WDPCP: variants seen among roughly 807,000 people sequenced by gnomAD.
The protein encoded by WDPCP is WD repeat-containing and planar cell polarity effector protein fritz homolog.
A neutral mutation model predicts 93.1 loss-of-function variants in WDPCP; 71 were observed. That is an observed-to-expected ratio of 0.76 (90% CI 0.63 to 0.93). WDPCP has a LOEUF of 0.93. WDPCP is among the 40% of genes least tolerant of loss of function. The pLI, the probability that WDPCP is intolerant of heterozygous loss-of-function variation, is 0.00. For missense variants in WDPCP, 844 were observed against 887.4 expected, an observed-to-expected ratio of 0.95 and a Z score of 0.62; for synonymous variants, 315 against 315.0, an observed-to-expected ratio of 1.00 and a Z score of 0.00.
chr2:63,275,680 A>T (rs1683028242), intron 13 of WDPCP, among the ~76,000 whole-genome samples: 1 of 152,190 alleles, frequency 6.6e-6, no homozygotes, highest in South Asian at 2.1e-4. Flanking sequence ...TTAACCAAGA[A>T]GGTGAAAGAC....
At chr2:63,162,326 A>T (rs1027685957) in intron 15 of WDPCP, among the ~76,000 whole-genome samples, 1 of 151,948 alleles carries the variant, frequency 6.6e-6, no homozygotes, top group Non-Finnish European at 1.5e-5. Context: ...TTCTTGTTGA[A>T]TTTCTCTTTT....
chr2:63,572,726 A>AAAAAAAAAAAAAAAAAAAAAAATG (rs56275317), intron 1 of WDPCP, among the ~76,000 whole-genome samples: 1 of 144,764 alleles, frequency 6.9e-6, no homozygotes, highest in Non-Finnish European at 1.5e-5. Context: ...AAAAAAAAAA[A>AAAAAAAAAAAAAAAAAAAAAAATG]GTTGGACAGC....
chr2:63,658,977 A>C (rs748567358), intron 2 of WDPCP, among the ~76,000 whole-genome samples: 2 of 152,216 alleles, frequency 1.3e-5, no homozygotes, highest in Non-Finnish European at 2.9e-5. Context: ...ACTCCAAAAT[A>C]TCTGAGCTAT....
intron 1 of WDPCP, among the ~76,000 whole-genome samples, chr2:63,587,430 T>C (rs1469764614): frequency 1.3e-5 from 2 of 152,306 alleles, no homozygotes; most frequent in Non-Finnish European, 2.9e-5. Flanking sequence ...TATTAATAAA[T>C]GCTAAAAGTA....
intron 2 of WDPCP, among the ~76,000 whole-genome samples, chr2:63,722,982 T>C (rs1669447903): frequency 6.6e-6 from 1 of 152,196 alleles, no homozygotes; most frequent in Admixed American, 6.5e-5. Context: ...TCTGTGACCT[T>C]ACCCCCAACC....
intron 14 of WDPCP, among the ~76,000 whole-genome samples, chr2:63,178,505 A>G (rs918914876): frequency 6.6e-6 from 1 of 152,076 alleles, no homozygotes; most frequent in Non-Finnish European, 1.5e-5. Context: ...ACTGTTTGTA[A>G]TATTCTCTTA....
Position 63,560,291 on chromosome 2 carries a change from T to C in WDPCP, c.75+27906A>G, listed in dbSNP as rs1210265778. Among the ~76,000 whole-genome samples, 3 of 151,964 alleles carry C rather than the reference T, an allele frequency of 2.0e-5. No homozygotes were observed. The East Asian group carries it at 5.8e-4, about 29-fold the overall frequency. The stretch of plus-strand genomic sequence containing the variant: ...AAAAAAGTGTGTATAGCCAAGATAA[T>C]CCTAAGCAAAAAGAACAAAGCTGGA... On this transcript the variant is annotated intron_variant, in intron 1 of 17. Coordinates refer to ENST00000272321, the MANE Select transcript of WDPCP (RefSeq NM_015910.7).
chr2:63,533,858 TC>T (rs1704052596), intron 1 of WDPCP, among the ~76,000 whole-genome samples: 1 of 149,900 alleles, frequency 6.7e-6, no homozygotes, highest in Non-Finnish European at 1.5e-5. Flanking sequence ...ATAACAAAGA[TC>T]AGAGCAGAAC....
Position 63,680,196 on chromosome 2 carries a change from T to G in WDPCP, n.309-29358A>C, listed in dbSNP as rs533634627. Among the ~76,000 whole-genome samples the G allele has an allele frequency of 2.6e-5, 4 of 152,320 alleles. No individual in the cohort carries two copies. The South Asian group carries it at 8.3e-4, about 32-fold the overall frequency. On this transcript the variant is annotated intron_variant and non_coding_transcript_variant, in intron 2 of 4. Coordinates refer to the WDPCP transcript ENST00000467687. ...GAACAACTATCTATACAAAAAAGCA[T>G]TGTCGTAAGAACCAAAAATCAGGTG...
At position 63,120,320 on chromosome 2, in the gene WDPCP, C is replaced by G. The variant is rs954567836; in HGVS notation, c.*1686G>C. On this transcript the variant is annotated 3_prime_UTR_variant, in exon 18 of 18. Transcript: ENST00000272321. ...ATGCATTATTAAAATTTTTTCAGAG[C>G]AATAACAAAATGAAAAATCTAATTT... is the stretch of plus-strand genomic sequence containing the variant. 6.6e-6 allele frequency among the ~76,000 whole-genome samples: 1 copy of G among 151,924 alleles called. No individual in the cohort carries two copies. Among genetic ancestry groups the G allele is most frequent in the African/African-American group, 2.4e-5 (1 of 41,358 alleles).
At chr2:63,388,929 T>C (rs771342035) in intron 10 of WDPCP, among the ~76,000 whole-genome samples, 9 of 152,176 alleles carry the variant, frequency 5.9e-5, no homozygotes, top group Non-Finnish European at 1.2e-4. Flanking sequence ...TTGATAGGTG[T>C]ACCTAAAAGT....
intron 12 of WDPCP, among the ~76,000 whole-genome samples, chr2:63,370,171 C>A (rs375332124): frequency 7.9e-5 from 12 of 152,050 alleles, no homozygotes; most frequent in African/African-American, 2.9e-4. Context: ...GGTAAAGGAA[C>A]CCTCATCCCT....
At chr2:63,436,779 G>A (rs1470723562) in intron 8 of WDPCP, among the ~76,000 whole-genome samples, 1 of 152,026 alleles carries the variant, frequency 6.6e-6, no homozygotes. Context: ...CTTCCCAGCA[G>A]TTAAAATGTA....
chr2:63,348,482 T>C (rs1558502171), intron 12 of WDPCP, among the ~76,000 whole-genome samples: 1 of 152,194 alleles, frequency 6.6e-6, no homozygotes, highest in Non-Finnish European at 1.5e-5. Context: ...ATTAATCTTA[T>C]TGTTGGTGTT....
intron 10 of WDPCP, among the ~76,000 whole-genome samples, chr2:63,383,315 A>G (rs1386934339): frequency 6.6e-6 from 1 of 152,186 alleles, no homozygotes; most frequent in Non-Finnish European, 1.5e-5. Context: ...AAATGATCCA[A>G]AATTCATGAA....
At chr2:63,766,982 T>C (rs1454916298) in intron 2 of WDPCP, among the ~76,000 whole-genome samples, 1 of 152,102 alleles carries the variant, frequency 6.6e-6, no homozygotes, top group Non-Finnish European at 1.5e-5. Context: ...TCTTGTCCTT[T>C]TTTAATGCCA....
intron 2 of WDPCP, among the ~76,000 whole-genome samples, chr2:63,732,429 G>A (rs910626061): frequency 6.6e-6 from 1 of 151,828 alleles, no homozygotes; most frequent in Non-Finnish European, 1.5e-5. Flanking sequence ...ATAGAAGAGG[G>A]GTATCTTTCC....
intron 2 of WDPCP, among the ~76,000 whole-genome samples, chr2:63,704,308 T>A (rs1364101194): frequency 6.6e-6 from 1 of 152,180 alleles, no homozygotes; most frequent in African/African-American, 2.4e-5. Context: ...TCCTGCCTGA[T>A]TGCCCTGGCC....
intron 14 of WDPCP, among the ~76,000 whole-genome samples, chr2:63,230,572 A>G (rs1390607683): frequency 6.6e-6 from 1 of 152,030 alleles, no homozygotes; most frequent in African/African-American, 2.4e-5. Flanking sequence ...AAGTGTTCCT[A>G]TTTCTCCACA....
Sources: allele counts gnomAD v4.1 joint callset (sites outside exome capture counted in the v4.1 genomes callset), GRCh38; gene constraint gnomAD v4.1.1; transcripts MANE v1.5; gene names NCBI Gene and HGNC (gene_info 2026-07-23, HGNC 2026-07-21).